SENP7: variants seen among roughly 807,000 people sequenced by gnomAD.
SENP7 encodes the protein sentrin-specific protease 7.
SENP7 carries 64 observed loss-of-function variants against 141.2 expected under a neutral mutation model. The observed-to-expected ratio is 0.45, with a 90% CI of 0.37 to 0.56. The LOEUF (loss-of-function observed/expected upper bound fraction) is 0.56, where lower values mean the gene tolerates loss of function less well. Among genes scored for constraint, SENP7 ranks in the 20% least tolerant of loss-of-function variants. SENP7 has a pLI of 0.00. For synonymous variants in SENP7, 382 were observed against 426.4 expected (o/e 0.90, Z 1.28); for missense variants, 1,025 against 1,212.2 (o/e 0.85, Z 2.29).
chr3:101,501,182 AC>A, intron 1 of SENP7, 63 bp from the exon 2 acceptor site: 1 of 1,084,174 alleles, frequency 9.2e-7, no homozygotes, highest in South Asian at 1.4e-5. Context: ...AAACAGTTTG[AC>A]AAAGGAGATT....
At chr3:101,475,323 A>G (rs371903868) in intron 3 of SENP7, among the ~76,000 whole-genome samples, 19 of 152,240 alleles carry the variant, frequency 1.2e-4, no homozygotes, top group African/African-American at 3.9e-4. Context: ...TCAATGACAG[A>G]CTGGATTAAA....
At chr3:101,416,258 A>G (rs1012136393) in intron 5 of SENP7, among the ~76,000 whole-genome samples, 4 of 152,192 alleles carry the variant, frequency 2.6e-5, no homozygotes, top group Non-Finnish European at 5.9e-5. Flanking sequence ...TTTACTTCAT[A>G]TTATATTTGA....
intron 17 of SENP7, 55 bp downstream of exon 17, chr3:101,337,453 CA>C: frequency 8.0e-7 from 1 of 1,255,644 alleles, no homozygotes. Flanking sequence ...TTACTAGGAG[CA>C]TCAAAAATAG....
intron 3 of SENP7, among the ~76,000 whole-genome samples, chr3:101,469,918 A>G (rs1051663379): frequency 2.0e-5 from 3 of 151,806 alleles, no homozygotes; most frequent in African/African-American, 7.3e-5. Flanking sequence ...CAGAATTAAG[A>G]AACTCATTCA....
At chr3:101,449,681 T>C (rs2063044291) in intron 4 of SENP7, among the ~76,000 whole-genome samples, 1 of 152,176 alleles carries the variant, frequency 6.6e-6, no homozygotes, top group Non-Finnish European at 1.5e-5. Flanking sequence ...AGAGATTTTG[T>C]CACCACCAGG....
chr3:101,404,109 C>A (rs1306764050), intron 5 of SENP7, among the ~76,000 whole-genome samples: 1 of 152,004 alleles, frequency 6.6e-6, no homozygotes, highest in African/African-American at 2.4e-5. Context: ...CCCATATAAC[C>A]AAGGCAATCC....
intron 4 of SENP7, among the ~76,000 whole-genome samples, chr3:101,435,422 G>A (rs765475166): frequency 1.1e-4 from 17 of 152,040 alleles, no homozygotes; most frequent in Admixed American, 5.2e-4. Flanking sequence ...CATAGTATTG[G>A]AAGTCCTAGC....
At chr3:101,373,493 TTA>T (rs2060235580) in intron 6 of SENP7, among the ~76,000 whole-genome samples, 1 of 152,152 alleles carries the variant, frequency 6.6e-6, no homozygotes, top group Non-Finnish European at 1.5e-5. Flanking sequence ...GCTTAGGTAC[TTA>T]TGTTTCCCCT....
At chr3:101,357,902 A>G (rs1187650593) in intron 11 of SENP7, 6 of 582,984 alleles carry the variant, frequency 1.0e-5, no homozygotes, top group East Asian at 4.7e-5. Context: ...TACACATAAG[A>G]TAATTCACAC....
chr3:101,491,938 C>T (rs1444806721), intron 3 of SENP7, among the ~76,000 whole-genome samples: 1 of 152,064 alleles, frequency 6.6e-6, no homozygotes, highest in Non-Finnish European at 1.5e-5. Flanking sequence ...CTAAAAAATA[C>T]AAAATTAGCC....
At chr3:101,372,872 G>A (rs2060218795) in intron 6 of SENP7, among the ~76,000 whole-genome samples, 1 of 151,688 alleles carries the variant, frequency 6.6e-6, no homozygotes. Context: ...GAAAAAATAG[G>A]AATTATATTG....
rs553364084 is a variant in SENP7 at position 101,422,296 on chromosome 3, C to A, written c.285-4506G>T. Reference sequence around the variant, plus strand: ...GTGGAAAAATTGGCTTCCATGAAACCAGTCCCTGGTGCCAAAAAGGTTGGG... The same window carrying A: ...GTGGAAAAATTGGCTTCCATGAAACAAGTCCCTGGTGCCAAAAAGGTTGGG... On this transcript the variant is annotated intron_variant, in intron 4 of 23. Coordinates refer to ENST00000394095, the MANE Select transcript of SENP7 (RefSeq NM_020654.5). Among the ~76,000 whole-genome samples the A allele has an allele frequency of 2.0e-5, 3 of 152,276 alleles. No individual in the cohort carries two copies. In the East Asian group the frequency reaches 5.8e-4, roughly 29 times the overall value.
intron 4 of SENP7, among the ~76,000 whole-genome samples, chr3:101,420,466 C>T (rs779199702): frequency 1.5e-4 from 23 of 152,084 alleles, no homozygotes; most frequent in African/African-American, 2.4e-4. Context: ...ACTAAAGAAA[C>T]ACACGTTGTC....
intron 8 of SENP7, 111 bp from the exon 9 acceptor site, chr3:101,366,880 G>A (rs2060051631): frequency 3.0e-6 from 2 of 666,164 alleles, no homozygotes; most frequent in South Asian, 4.2e-5. Flanking sequence ...ATAACTACAT[G>A]GATAGAAAAC....
In SENP7 at chr3:101,324,584, TAAAG is replaced by T. The variant is rs1007424191; in HGVS notation, c.*1355_*1358del. 1.1e-4 allele frequency: 16 copies of T among 152,028 alleles called. No homozygotes were observed. The highest frequency in any genetic ancestry group is 3.6e-4 in the African/African-American group (15 of 41,424). 9.4% of individuals were successfully genotyped at this position (152,028 alleles called of 1,614,324 possible). A position where few individuals can be genotyped will look rare whatever the true frequency, so the allele number is the denominator to read the frequency against. ...CAAACAACAAATATATTTAATAATA[TAAAG>T]ATAGTGCCAAAATCAACAAAAGCTA... On this transcript the variant is annotated 3_prime_UTR_variant, in exon 24 of 24. Coordinates refer to ENST00000394095, the MANE Select transcript of SENP7 (RefSeq NM_020654.5).
chr3:101,504,031 C>T (rs2065492298), intron 1 of SENP7, among the ~76,000 whole-genome samples: 1 of 151,778 alleles, frequency 6.6e-6, no homozygotes, highest in Non-Finnish European at 1.5e-5. Context: ...ATAATAATAA[C>T]TAATGAAATA....
intron 7 of SENP7, among the ~76,000 whole-genome samples, chr3:101,369,294 C>A (rs932761386): frequency 6.6e-6 from 1 of 152,230 alleles, no homozygotes. Context: ...ATTTTCAATT[C>A]ATCTGACTGG....
intron 6 of SENP7, among the ~76,000 whole-genome samples, chr3:101,389,015 T>C (rs897959947): frequency 5.9e-5 from 9 of 152,030 alleles, no homozygotes; most frequent in African/African-American, 2.2e-4. Context: ...AATGACCAAA[T>C]ATTCCATTTT....
intron 4 of SENP7, among the ~76,000 whole-genome samples, chr3:101,422,370 G>A (rs1483707114): frequency 6.6e-6 from 1 of 151,848 alleles, no homozygotes; most frequent in East Asian, 1.9e-4. Flanking sequence ...GAACTTCTGG[G>A]GCAGTTTTCT....
Sources: gnomAD v4.1 joint callset for allele counts (sites outside exome capture counted in the v4.1 genomes callset) on GRCh38, gnomAD v4.1.1 for gene constraint, MANE v1.5 for transcripts, NCBI Gene and HGNC (gene_info 2026-07-23, HGNC 2026-07-21) for gene names.